The following RAB8B variants were observed in gnomAD, a reference collection of about 807,000 sequenced individuals.
The protein encoded by RAB8B is ras-related protein Rab-8B.
RAB8B carries 11 observed loss-of-function variants against 32.0 expected under a neutral mutation model. The ratio of observed to expected loss-of-function variants is 0.34; its 90% CI spans 0.22 to 0.57. The LOEUF (loss-of-function observed/expected upper bound fraction) is 0.57. Ranked by LOEUF, RAB8B falls within the 20% of genes least tolerant of loss-of-function variation. The probability of loss-of-function intolerance (pLI) is 0.86; values close to 1 mark genes in which losing one functional copy is unlikely to be tolerated. For missense variants in RAB8B, 190 were observed against 258.5 expected, an observed-to-expected ratio of 0.73 and a Z score of 1.82; for synonymous variants, 103 against 89.6, an observed-to-expected ratio of 1.15 and a Z score of -0.85.
intron 7 of RAB8B, among the ~76,000 whole-genome samples, chr15:63,263,279 T>C (rs2038216975): frequency 6.6e-6 from 1 of 152,202 alleles, no homozygotes; most frequent in Non-Finnish European, 1.5e-5. Flanking sequence ...AAGCTTCCTA[T>C]TGAATACATT....
intron 1 of RAB8B, chr15:63,223,002 C>T (rs1304827819): frequency 2.2e-6 from 1 of 455,702 alleles, no homozygotes; most frequent in Non-Finnish European, 4.4e-6. Context: ...ATGTCCTAGG[C>T]CTTCACATTC....
At chr15:63,197,407 T>A (rs1407325769) in intron 1 of RAB8B, among the ~76,000 whole-genome samples, 1 of 148,572 alleles carries the variant, frequency 6.7e-6, no homozygotes, top group African/African-American at 2.5e-5. Flanking sequence ...AGAGTCTTGT[T>A]CTTTCGCCCA....
intron 6 of RAB8B, among the ~76,000 whole-genome samples, chr15:63,262,247 G>A (rs756721536): frequency 2.9e-4 from 44 of 152,122 alleles, no homozygotes; most frequent in Non-Finnish European, 5.7e-4. Context: ...TGTTCTTGGT[G>A]TACTGAAGAA....
At chr15:63,212,454 A>T (rs139159575) in intron 1 of RAB8B, among the ~76,000 whole-genome samples, 1 of 152,156 alleles carries the variant, frequency 6.6e-6, no homozygotes, top group African/African-American at 2.4e-5. Flanking sequence ...GTCACTTTCA[A>T]TTAGGGGAGG....
intron 1 of RAB8B, chr15:63,224,043 G>T (rs2141123639): frequency 1.1e-5 from 2 of 186,762 alleles, no homozygotes; most frequent in African/African-American, 4.6e-5. Flanking sequence ...CATCTTCAGG[G>T]TTGTCTGTGA....
At chr15:63,230,616 A>G (rs1003593138) in intron 1 of RAB8B, among the ~76,000 whole-genome samples, 1 of 152,172 alleles carries the variant, frequency 6.6e-6, no homozygotes, top group Non-Finnish European at 1.5e-5. Context: ...ATCACTTTTT[A>G]TTTAGAGAAA....
intron 1 of RAB8B, among the ~76,000 whole-genome samples, chr15:63,230,223 G>C (rs977782402): frequency 6.6e-6 from 1 of 152,140 alleles, no homozygotes; most frequent in African/African-American, 2.4e-5. Flanking sequence ...TTTTGATCAA[G>C]AAAAGGCTCT....
intron 1 of RAB8B, among the ~76,000 whole-genome samples, chr15:63,191,195 A>AT (rs2037553527): frequency 2.0e-5 from 3 of 152,190 alleles, no homozygotes; most frequent in African/African-American, 7.2e-5. Context: ...TTCTTACAGC[A>AT]TATTTCACCA....
At chr15:63,224,551 T>G (rs775133481) in intron 1 of RAB8B, among the ~76,000 whole-genome samples, 10 of 152,220 alleles carry the variant, frequency 6.6e-5, no homozygotes, top group Non-Finnish European at 1.3e-4. Context: ...AGCTTCATTC[T>G]GATTCAAAAC....
chr15:63,240,332 G>A (rs1034217231), intron 1 of RAB8B, among the ~76,000 whole-genome samples: 4 of 152,140 alleles, frequency 2.6e-5, no homozygotes, highest in African/African-American at 7.2e-5. Flanking sequence ...GACTGAATGT[G>A]TAATCTCTTA....
chr15:63,216,156 CCT>C (rs1392183639), intron 1 of RAB8B, among the ~76,000 whole-genome samples: 1 of 151,540 alleles, frequency 6.6e-6, no homozygotes, highest in Non-Finnish European at 1.5e-5. Flanking sequence ...TGTGATTTCT[CCT>C]CTCTTTTAAC....
intron 1 of RAB8B, among the ~76,000 whole-genome samples, chr15:63,190,260 A>G (rs1436998031): frequency 6.6e-6 from 1 of 152,000 alleles, no homozygotes; most frequent in Non-Finnish European, 1.5e-5. Flanking sequence ...ACTGGAAGGG[A>G]ATTCAGGGGA....
At chr15:63,195,627 T>G (rs1301184962) in intron 1 of RAB8B, among the ~76,000 whole-genome samples, 1 of 152,216 alleles carries the variant, frequency 6.6e-6, no homozygotes. Flanking sequence ...AAAAGAACCA[T>G]AGATCCTGAA....
chr15:63,242,267 T>C (rs772149167), intron 1 of RAB8B, among the ~76,000 whole-genome samples: 7 of 151,460 alleles, frequency 4.6e-5, no homozygotes, highest in Non-Finnish European at 1.0e-4. Flanking sequence ...GGAAATTCGG[T>C]TGGTTTATGT....
chr15:63,244,197 T>G (rs1442212813), intron 1 of RAB8B, among the ~76,000 whole-genome samples: 1 of 152,212 alleles, frequency 6.6e-6, no homozygotes, highest in Non-Finnish European at 1.5e-5. Flanking sequence ...CTGTTTCAGC[T>G]CTAGCAAGTA....
chr15:63,200,958 A>G (rs2037643190), intron 1 of RAB8B, among the ~76,000 whole-genome samples: 1 of 152,158 alleles, frequency 6.6e-6, no homozygotes, highest in Non-Finnish European at 1.5e-5. Context: ...TCTGGGATGC[A>G]AGTATATATT....
intron 1 of RAB8B, among the ~76,000 whole-genome samples, chr15:63,215,364 C>G (rs1249571627): frequency 6.6e-6 from 1 of 152,044 alleles, no homozygotes; most frequent in East Asian, 1.9e-4. Context: ...GCTGATTTTT[C>G]AAAGATATTA....
At chr15:63,250,507 A>C (rs1282651530) in intron 3 of RAB8B, among the ~76,000 whole-genome samples, 1 of 152,116 alleles carries the variant, frequency 6.6e-6, no homozygotes, top group Non-Finnish European at 1.5e-5. Flanking sequence ...TTATTTGCTG[A>C]ATCCAGGCAT....
intron 3 of RAB8B, among the ~76,000 whole-genome samples, chr15:63,254,694 C>CTTTAGGAGGCCAAGTCGG (rs1390202790): frequency 6.6e-6 from 1 of 152,038 alleles, no homozygotes; most frequent in Non-Finnish European, 1.5e-5. Flanking sequence ...GGGCGGATCA[C>CTTTAGGAGGCCAAGTCGG]GAGGTCAGGA....
Sources: gnomAD v4.1 joint callset for allele counts (sites outside exome capture counted in the v4.1 genomes callset) on GRCh38, gnomAD v4.1.1 for gene constraint, MANE v1.5 for transcripts, NCBI Gene and HGNC (gene_info 2026-07-23, HGNC 2026-07-21) for gene names.